Variants in LMAN2 observed in about 807,000 individuals in gnomAD.
The protein encoded by LMAN2 is vesicular integral-membrane protein VIP36.
Under a neutral mutation model 39.3 loss-of-function variants are expected in LMAN2, and 22 were observed. The ratio of observed to expected loss-of-function variants is 0.56; its 90% confidence interval spans 0.40 to 0.80. The LOEUF (loss-of-function observed/expected upper bound fraction) is 0.80, where lower values mean the gene tolerates loss of function less well. LMAN2 is among the 30% of genes least tolerant of loss of function. LMAN2 has a pLI of 0.00. For synonymous variants in LMAN2, 207 were observed against 207.8 expected, an observed-to-expected ratio of 1.00 and a Z score of 0.03; for missense variants, 494 against 505.4, an observed-to-expected ratio of 0.98 and a Z score of 0.22.
intron 2 of LMAN2, among the ~76,000 whole-genome samples, chr5:177,348,508 A>G (rs1311398343): frequency 3.9e-5 from 6 of 152,058 alleles, no homozygotes; most frequent in Admixed American, 1.3e-4. Flanking sequence ...CAAACATGGC[A>G]AAACCTCATC....
rs374060904 is a variant in LMAN2 at position 177,337,412 on chromosome 5, C to T, written c.626G>A (p.Arg209His). The change falls in exon 5 of 8, where the codon CGC becomes CAC. Residue 209 changes from arginine to histidine, a missense_variant. By Grantham distance (29) the Arg-to-His change is conservative (BLOSUM62 0). Coordinates refer to ENST00000303127, the MANE Select transcript of LMAN2 (RefSeq NM_006816.3). The surrounding 1 kb of genome is among the most constrained non-coding windows in gnomAD (Gnocchi z 8.2). The stretch of plus-strand genomic sequence containing the variant: ...CACAGCCAGGAAGGTGTCGTGATCG[C>T]GGTTGCGGAAGTCAGCCGTGCAGCC... Reference protein sequence around the residue: ...LAGCTADFRNRDHDTFLAVRY... With the variant: ...LAGCTADFRNHDHDTFLAVRY... 1.4e-4 allele frequency: 229 copies of T among 1,613,280 alleles called. 2 individuals carry two copies. The South Asian group carries it at 2.0e-3, about 14-fold the overall frequency.
chr5:177,331,838 G>C lies in LMAN2; in HGVS notation c.*248C>G. 2.2e-6 allele frequency: 1 copy of C among 449,434 alleles called. No homozygotes were observed. Among genetic ancestry groups the C allele is most frequent in the East Asian group, 3.7e-5 (1 of 26,992 alleles). The allele number at this position is 449,434 out of a possible 1,614,324, so 27.8% of individuals were successfully genotyped here. Reference sequence around the variant, plus strand: ...GGGCCACAGCCCATCTGTAGACACAGACCCCTGCTCCTGAGACACCAGCCC... The same window carrying C: ...GGGCCACAGCCCATCTGTAGACACACACCCCTGCTCCTGAGACACCAGCCC... On this transcript the variant is annotated 3_prime_UTR_variant, in exon 8 of 8. Coordinates refer to ENST00000303127, the MANE Select transcript of LMAN2 (RefSeq NM_006816.3).
chr5:177,337,435 G>A lies in LMAN2; in HGVS notation c.603C>T (p.Gly201=), dbSNP rs11541335. 0.021 allele frequency: 33,332 copies of A among 1,613,622 alleles called. 410 individuals are homozygous for A. The highest frequency in any genetic ancestry group is 0.025 in the Non-Finnish European group (29,770 of 1,179,994). Residue 201 remains glycine, a synonymous_variant, in exon 5 of 8, where the codon GGC becomes GGT. Coordinates refer to ENST00000303127, the MANE Select transcript of LMAN2 (RefSeq NM_006816.3). This position sits in a 1 kb window ranked among gnomAD's most constrained non-coding sequence, Gnocchi z 8.2. ...SKDGRWTELA[G]CTADFRNRDH... ...CGCGGTTGCGGAAGTCAGCCGTGCA[G>A]CCCGCCAGCTCGGTCCAGCGCCCAT...
At chr5:177,335,167 T>C (rs1232367152) in intron 6 of LMAN2, among the ~76,000 whole-genome samples, 1 of 152,178 alleles carries the variant, frequency 6.6e-6, no homozygotes, top group Non-Finnish European at 1.5e-5. Flanking sequence ...GGGGACCTAA[T>C]GAGCAAGAGC....
chr5:177,341,207 C>T (rs1012763288), intron 2 of LMAN2, among the ~76,000 whole-genome samples: 2 of 151,960 alleles, frequency 1.3e-5, no homozygotes, highest in Admixed American at 1.3e-4. Context: ...GCTGGGATTA[C>T]AGGCATGCGC....
chr5:177,332,380 G>A lies in LMAN2; in HGVS notation c.911-134C>T, dbSNP rs917593365. 1.3e-6 allele frequency: 1 copy of A among 794,718 alleles called. No homozygotes were observed. Among genetic ancestry groups the A allele is most frequent in the African/African-American group, 1.7e-5 (1 of 58,136 alleles). The allele number at this position is 794,718 out of a possible 1,614,324, so 49.2% of individuals were successfully genotyped here. A position where few individuals can be genotyped will look rare whatever the true frequency, so the allele number is the denominator to read the frequency against. On this transcript the variant is annotated intron_variant, in intron 7 of 7. Coordinates refer to ENST00000303127, the MANE Select transcript of LMAN2 (RefSeq NM_006816.3). This position sits in a 1 kb window ranked among gnomAD's most constrained non-coding sequence, Gnocchi z 6.3. ...CGGTCGTACTCACCCCCCTCACCGG[G>A]GAGGGGCAGAGGTCAGGTGAAGCCC...
In LMAN2 at chr5:177,334,318, G is replaced by C. The variant is rs1561603129; in HGVS notation, c.876C>G (p.Ile292Met). The change falls in exon 7 of 8, where the codon ATC becomes ATG. Residue 292 changes from isoleucine to methionine, a missense_variant. Coordinates refer to ENST00000303127, the MANE Select transcript of LMAN2 (RefSeq NM_006816.3). ...PDEESIDWTK[I>M]EPSVNFLKSP... ...ACTTGAGGAAGTTGACGCTGGGCTC[G>C]ATCTTGGTCCAGTCGATGCTCTCCT... 1.2e-6 allele frequency: 2 copies of C among 1,612,950 alleles called. No homozygotes were observed. Among genetic ancestry groups the C allele is most frequent in the African/African-American group, 1.3e-5 (1 of 75,048 alleles).
rs773928236 is a variant in LMAN2, at chr5:177,338,552, T to C, written c.369A>G (p.Thr123=). Residue 123 remains threonine (T), a synonymous_variant, in exon 3 of 8, where the codon ACA becomes ACG. Transcript: ENST00000303127. ...EMHVHFKVHG[T]GKKNLHGDGI... ...CGTCTCCATGGAGGTTCTTCTTCCCTGTGCCGTGGACTTTGAAGTGGACGT... is the reference window on the plus strand; with the variant it reads ...CGTCTCCATGGAGGTTCTTCTTCCCCGTGCCGTGGACTTTGAAGTGGACGT... 1.2e-6 allele frequency: 2 copies of C among 1,614,250 alleles called. No homozygotes were observed. The highest frequency in any genetic ancestry group is 2.2e-5 in the East Asian group (1 of 44,884).
intron 2 of LMAN2, among the ~76,000 whole-genome samples, chr5:177,341,573 T>TA (rs1482034323): frequency 1.3e-5 from 2 of 152,204 alleles, no homozygotes; most frequent in Non-Finnish European, 2.9e-5. Context: ...AGAATGAAGG[T>TA]AAAATAAAGA....
At chr5:177,349,161 C>T (rs1452580213) in intron 2 of LMAN2, among the ~76,000 whole-genome samples, 1 of 152,096 alleles carries the variant, frequency 6.6e-6, no homozygotes, top group Non-Finnish European at 1.5e-5. Flanking sequence ...GCTGCAGCCA[C>T]CAGGCACTTA....
intron 2 of LMAN2, among the ~76,000 whole-genome samples, chr5:177,338,897 G>A (rs746408060): frequency 6.6e-6 from 1 of 152,242 alleles, no homozygotes; most frequent in Non-Finnish European, 1.5e-5. Context: ...AGGTTTAGGT[G>A]GCTGCCACAC....
chr5:177,337,247 T>A lies in LMAN2; in HGVS notation c.679A>T (p.Met227Leu). The change falls in exon 6 of 8, where the codon ATG becomes TTG. Residue 227 changes from methionine to leucine, a missense_variant. By Grantham distance (15) the Met-to-Leu change is conservative. Coordinates refer to ENST00000303127, the MANE Select transcript of LMAN2 (RefSeq NM_006816.3). This position sits in a 1 kb window ranked among gnomAD's most constrained non-coding sequence, Gnocchi z 8.2. ...VRYSRGRLTV[M>L]TDLEDKNEWK... ...TCGTTCTTGTCCTCCAGGTCGGTCATCACCTGCAGGGCCCAGCACGCTAAG... is the reference window on the plus strand; with the variant it reads ...TCGTTCTTGTCCTCCAGGTCGGTCAACACCTGCAGGGCCCAGCACGCTAAG... 1 of 1,613,908 alleles carries A rather than the reference T, an allele frequency of 6.2e-7. No homozygotes were observed. Among genetic ancestry groups the A allele is most frequent in the Non-Finnish European group, 8.5e-7 (1 of 1,179,902 alleles).
At chr5:177,338,250 A>C (rs1761503220) in intron 3 of LMAN2, among the ~76,000 whole-genome samples, 1 of 152,202 alleles carries the variant, frequency 6.6e-6, no homozygotes, top group Non-Finnish European at 1.5e-5. Flanking sequence ...CAGGCCAATG[A>C]GGGTGTAGGG....
At chr5:177,341,963 T>C (rs960110341) in intron 2 of LMAN2, among the ~76,000 whole-genome samples, 3 of 151,870 alleles carry the variant, frequency 2.0e-5, no homozygotes, top group African/African-American at 4.8e-5. Context: ...TTCAAGCTAA[T>C]AGAAGAGGAA....
chr5:177,339,553 A>G (rs1761523317), intron 2 of LMAN2, among the ~76,000 whole-genome samples: 1 of 152,258 alleles, frequency 6.6e-6, no homozygotes, highest in African/African-American at 2.4e-5. Context: ...CACGGTGACA[A>G]GAATCCACTT....
At chr5:177,346,432 CTA>C (rs1761639158) in intron 2 of LMAN2, 1 of 468,824 alleles carries the variant, frequency 2.1e-6, no homozygotes, top group Non-Finnish European at 3.3e-6. Context: ...TTAAAGTTGA[CTA>C]TTTTAATAAA....
chr5:177,341,748 G>A (rs897035020), intron 2 of LMAN2, among the ~76,000 whole-genome samples: 18 of 152,196 alleles, frequency 1.2e-4, no homozygotes, highest in African/African-American at 4.1e-4. Context: ...CTAAATATCT[G>A]ACTGCACAAA....
intron 2 of LMAN2, among the ~76,000 whole-genome samples, chr5:177,342,238 G>A (rs1021825948): frequency 6.6e-6 from 1 of 152,168 alleles, no homozygotes; most frequent in Middle Eastern, 3.2e-3. Flanking sequence ...AGGTGCAGTA[G>A]CTCATACCTG....
rs137996405 is a variant in LMAN2 at position 177,348,661 on chromosome 5, C to T, written c.315+2512G>A. On this transcript the variant is annotated intron_variant, in intron 2 of 7. Transcript: ENST00000303127. The stretch of plus-strand genomic sequence containing the variant: ...TGAGATCGCACCACTGCATTCCAGC[C>T]TGGGTGATAGAGCATGACTCTGTCT... Among the ~76,000 whole-genome samples the T allele has an allele frequency of 3.2e-3, 441 of 138,426 alleles. 2 individuals carry two copies. The highest frequency in any genetic ancestry group is 0.011 in the African/African-American group (420 of 37,202). 90.8% of individuals were successfully genotyped at this position (138,426 alleles called of 152,430 possible).
Sources: allele counts gnomAD v4.1 joint callset (sites outside exome capture counted in the v4.1 genomes callset), GRCh38; gene constraint gnomAD v4.1.1; non-coding constraint Gnocchi (gnomAD v3.1); transcripts MANE v1.5; gene names NCBI Gene and HGNC (gene_info 2026-07-23, HGNC 2026-07-21).